RARB: variants seen among roughly 807,000 people sequenced by gnomAD.
RARB encodes retinoic acid receptor beta.
A neutral mutation model predicts 51.9 loss-of-function variants in RARB; 17 were observed. That is an observed-to-expected ratio of 0.33 (90% CI 0.22 to 0.49). The LOEUF (loss-of-function observed/expected upper bound fraction) is 0.49, where lower values mean the gene tolerates loss of function less well. RARB is among the 20% of genes least tolerant of loss of function. The pLI is 0.99. For synonymous variants in RARB, 215 were observed against 195.4 expected, an observed-to-expected ratio of 1.10 and a Z score of -0.84; for missense variants, 369 against 550.8, an observed-to-expected ratio of 0.67 and a Z score of 3.30.
At chr3:25,581,143 T>C (rs1317893134) in intron 5 of RARB, among the ~76,000 whole-genome samples, 1 of 152,186 alleles carries the variant, frequency 6.6e-6, no homozygotes, top group Non-Finnish European at 1.5e-5. Flanking sequence ...AAGCTTCCTG[T>C]GCGACCACCA....
chr3:24,997,207 G>A (rs1697061026), intron 2 of RARB, among the ~76,000 whole-genome samples: 1 of 152,042 alleles, frequency 6.6e-6, no homozygotes. Flanking sequence ...TTGTTATTGT[G>A]TAATGTCTTT....
At chr3:25,157,477 C>T (rs1190567792) in intron 4 of RARB, among the ~76,000 whole-genome samples, 1 of 151,838 alleles carries the variant, frequency 6.6e-6, no homozygotes, top group Non-Finnish European at 1.5e-5. Flanking sequence ...AATCTCAGCT[C>T]ACTGCAACCT....
At chr3:25,367,396 C>T (rs1706154894) in intron 5 of RARB, among the ~76,000 whole-genome samples, 1 of 152,048 alleles carries the variant, frequency 6.6e-6, no homozygotes, top group African/African-American at 2.4e-5. Context: ...GTGGACATAC[C>T]TTAACTTAAA....
At chr3:24,904,564 G>T (rs997829409) in intron 2 of RARB, among the ~76,000 whole-genome samples, 2 of 152,186 alleles carry the variant, frequency 1.3e-5, no homozygotes, top group African/African-American at 2.4e-5. Context: ...ACTGTTGGTG[G>T]AAGTGTAAAT....
rs113927714 is a variant in RARB at position 24,972,967 on chromosome 3, T to G, written c.-379-87158T>G. On this transcript the variant is annotated intron_variant, in intron 2 of 11. Coordinates refer to the RARB transcript ENST00000383772. ...GTTGTTTCCTTCGCTATGCAGAACG[T>G]TTTTAGTTTGATCTAAGTCCCATTT... Among the ~76,000 whole-genome samples, 1,326 of 152,118 alleles carry G rather than the reference T, an allele frequency of 8.7e-3. 17 individuals are homozygous for G. Among genetic ancestry groups the G allele is most frequent in the African/African-American group, 0.03 (1,259 of 41,548 alleles).
At chr3:25,204,553 G>GT (rs2125373374) in intron 5 of RARB, among the ~76,000 whole-genome samples, 1 of 152,230 alleles carries the variant, frequency 6.6e-6, no homozygotes, top group African/African-American at 2.4e-5. Flanking sequence ...CATCTGTGTG[G>GT]TTTTATCTAC....
chr3:25,300,669 G>T (rs1036524096), intron 5 of RARB, among the ~76,000 whole-genome samples: 1 of 152,096 alleles, frequency 6.6e-6, no homozygotes, highest in Admixed American at 6.6e-5. Context: ...CACCGTTTGA[G>T]TCACTTTTGG....
chr3:24,955,653 T>G (rs775099742), intron 2 of RARB, among the ~76,000 whole-genome samples: 2 of 152,028 alleles, frequency 1.3e-5, no homozygotes, highest in Non-Finnish European at 2.9e-5. Context: ...CCAGGGAAAA[T>G]GATTACCCTA....
At chr3:25,221,536 C>G (rs987029287) in intron 5 of RARB, among the ~76,000 whole-genome samples, 1 of 152,152 alleles carries the variant, frequency 6.6e-6, no homozygotes, top group Non-Finnish European at 1.5e-5. Context: ...TAGACTGATA[C>G]AAGTACTGTC....
intron 2 of RARB, among the ~76,000 whole-genome samples, chr3:25,048,999 G>A (rs1698274066): frequency 6.6e-6 from 1 of 152,062 alleles, no homozygotes; most frequent in Admixed American, 6.6e-5. Context: ...TGATCCACCT[G>A]CCTCGGCCTC....
intron 5 of RARB, among the ~76,000 whole-genome samples, chr3:25,195,618 T>C (rs1701214811): frequency 6.6e-6 from 1 of 152,020 alleles, no homozygotes; most frequent in Non-Finnish European, 1.5e-5. Flanking sequence ...TTAAAATTCT[T>C]GTTACAGAAC....
intron 2 of RARB, among the ~76,000 whole-genome samples, chr3:24,961,440 A>T (rs1484806408): frequency 6.6e-6 from 1 of 152,262 alleles, no homozygotes; most frequent in African/African-American, 2.4e-5. Flanking sequence ...TGAAATTGAT[A>T]AATCACATTA....
At chr3:25,036,085 TA>T (rs1246853311) in intron 2 of RARB, among the ~76,000 whole-genome samples, 1 of 152,194 alleles carries the variant, frequency 6.6e-6, no homozygotes, top group Non-Finnish European at 1.5e-5. Context: ...GACAAGTATT[TA>T]TTTTTTTTAT....
At chr3:25,412,607 C>A (rs1397199649) in intron 5 of RARB, among the ~76,000 whole-genome samples, 16 of 152,154 alleles carry the variant, frequency 1.1e-4, no homozygotes, top group African/African-American at 3.9e-4. Context: ...CTATTTTTAA[C>A]TAAAGACTTT....
chr3:25,282,494 A>G (rs1346827526), intron 5 of RARB, among the ~76,000 whole-genome samples: 1 of 152,146 alleles, frequency 6.6e-6, no homozygotes, highest in Admixed American at 6.5e-5. Flanking sequence ...TTATGATACA[A>G]AATACTTAAT....
chr3:25,183,328 G>A (rs183010584), intron 5 of RARB, among the ~76,000 whole-genome samples: 20 of 152,092 alleles, frequency 1.3e-4, no homozygotes, highest in East Asian at 1.2e-3. Flanking sequence ...CTACAAGTCC[G>A]TGATTATAAT....
intron 5 of RARB, among the ~76,000 whole-genome samples, chr3:25,408,111 C>G (rs147360221): frequency 6.6e-6 from 1 of 152,068 alleles, no homozygotes; most frequent in African/African-American, 2.4e-5. Context: ...TCTGGGGGAC[C>G]AAACCCAAAA....
At chr3:24,950,417 A>G (rs1232812222) in intron 2 of RARB, among the ~76,000 whole-genome samples, 1 of 152,208 alleles carries the variant, frequency 6.6e-6, no homozygotes, top group Non-Finnish European at 1.5e-5. Context: ...AGTAATAATA[A>G]TCTCCTGTTT....
chr3:25,322,639 A>G (rs1254267127), intron 5 of RARB, among the ~76,000 whole-genome samples: 1 of 152,230 alleles, frequency 6.6e-6, no homozygotes, highest in African/African-American at 2.4e-5. Context: ...TCATATTTTT[A>G]TAATGGCATA....
Sources: allele counts gnomAD v4.1 joint callset (sites outside exome capture counted in the v4.1 genomes callset), GRCh38; gene constraint gnomAD v4.1.1; transcripts MANE v1.5; gene names NCBI Gene and HGNC (gene_info 2026-07-23, HGNC 2026-07-21).